The following NRXN2 variants were observed in gnomAD, a reference collection of about 807,000 sequenced individuals.
The protein encoded by NRXN2 is neurexin 2.
NRXN2 carries 29 observed loss-of-function variants against 128.8 expected under a neutral mutation model. That is an observed-to-expected ratio of 0.23 (90% CI 0.17 to 0.31). The LOEUF is 0.31. NRXN2 is among the 10% of genes least tolerant of loss of function. NRXN2 has a pLI of 1.00. For missense variants in NRXN2, 1,881 were observed against 2,452.6 expected, an observed-to-expected ratio of 0.77 and a Z score of 4.92; for synonymous variants, 1,098 against 1,075.2, an observed-to-expected ratio of 1.02 and a Z score of -0.41.
chr11:64,643,548 A>AGAGG (rs771381758), intron 17 of NRXN2: 1 of 131,172 alleles, frequency 7.6e-6, no homozygotes, highest in Non-Finnish European at 1.6e-5. Context: ...GCTGGAAGGG[A>AGAGG]GAGGGAGGGA....
rs1470125635 is a variant in NRXN2 at position 64,648,244 on chromosome 11, G to A, written c.3378C>T (p.Ser1126=). 2.5e-6 allele frequency: 4 copies of A among 1,614,222 alleles called. No individual in the cohort carries two copies. The highest frequency in any genetic ancestry group is 1.6e-4 in the Middle Eastern group (1 of 6,062). Residue 1126 remains serine, a synonymous_variant, in exon 17 of 23, where the codon TCC becomes TCT. Coordinates refer to ENST00000265459, the MANE Select transcript of NRXN2 (RefSeq NM_015080.4). The surrounding 1 kb of genome is among the most constrained non-coding windows in gnomAD (Gnocchi z 4.1). ...GATCATTGCAGACAGGGCCTCCATAGGAAGTCATGGTGCAGTCGCAGGTGA... is the reference window on the plus strand; with the variant it reads ...GATCATTGCAGACAGGGCCTCCATAAGAAGTCATGGTGCAGTCGCAGGTGA... ...DGFTCDCTMT[S]YGGPVCNDPG... is the part of the protein sequence containing the mutation.
Position 64,630,262 on chromosome 11 carries a change from C to T in NRXN2, c.3757+140G>A, listed in dbSNP as rs914889661. The T allele has an allele frequency of 2.6e-6, 2 of 781,066 alleles. No homozygotes were observed. The highest frequency in any genetic ancestry group is 3.9e-6 in the Non-Finnish European group (2 of 511,738). The allele number at this position is 781,066 out of a possible 1,614,324, so 48.4% of individuals were successfully genotyped here. ...TGCCCTAGTCCCGCCTCGCAAGCTT[C>T]GTCTCTCCAGTAGCCCCGCCCCAGA... On this transcript the variant is annotated intron_variant, in intron 19 of 22. Coordinates refer to ENST00000265459, the MANE Select transcript of NRXN2 (RefSeq NM_015080.4). The surrounding 1 kb of genome is among the most constrained non-coding windows in gnomAD (Gnocchi z 4.6).
At position 64,607,463 on chromosome 11, in the gene NRXN2, G is replaced by A. The variant is rs760914333; in HGVS notation, c.4872C>T (p.Gly1624=). Reference sequence around the variant, plus strand: ...TGGACTCCCGGATCACCTCCACTGCGCCCGGCGGGCCCCGCTCCCCAGGCC... The same window carrying A: ...TGGACTCCCGGATCACCTCCACTGCACCCGGCGGGCCCCGCTCCCCAGGCC... ...PTGPGERGPP[G]AVEVIRESSS... Residue 1624 remains glycine, a synonymous_variant, in exon 23 of 23, where the codon GGC becomes GGT. Transcript: ENST00000265459. 11 of 1,609,164 alleles carry A rather than the reference G, an allele frequency of 6.8e-6. No individual in the cohort carries two copies. The highest frequency in any genetic ancestry group is 4.0e-5 in the African/African-American group (3 of 74,834).
intron 17 of NRXN2, among the ~76,000 whole-genome samples, chr11:64,641,936 G>A (rs539833141): frequency 3.9e-4 from 60 of 152,140 alleles, no homozygotes; most frequent in African/African-American, 1.4e-3. Context: ...GGAGGTGATG[G>A]AAGGCCAGTC....
Position 64,713,498 on chromosome 11 carries a change from A to G in NRXN2, c.202T>C (p.Tyr68His), listed in dbSNP as rs764121263. ...RTNATRALLL[Y>H]LDDGGDCDFL... ...TCGCAGTCGCCGCCGTCGTCCAGGT[A>G]GAGCAGCAGCGCGCGCGTGGCGTTG... The change falls in exon 2 of 23, where the codon TAC (tyrosine) becomes CAC (histidine). Residue 68 changes from tyrosine to histidine, a missense_variant. Around this residue, in one of 7 missense-constraint regions of NRXN2, gnomAD observed 997 missense variants for 1,240.8 expected, o/e 0.80. Coordinates refer to ENST00000265459, the MANE Select transcript of NRXN2 (RefSeq NM_015080.4). 6.6e-7 allele frequency: 1 copy of G among 1,523,106 alleles called. No homozygotes were observed. The highest frequency in any genetic ancestry group is 8.7e-7 in the Non-Finnish European group (1 of 1,144,554). 94.3% of individuals were successfully genotyped at this position (1,523,106 alleles called of 1,614,324 possible). A position where few individuals can be genotyped will look rare whatever the true frequency, so the allele number is the denominator to read the frequency against.
chr11:64,648,712 C>T lies in NRXN2; in HGVS notation c.3283+22G>A, dbSNP rs1476107486. 2.5e-6 allele frequency: 4 copies of T among 1,612,582 alleles called. No homozygotes were observed. The highest frequency in any genetic ancestry group is 2.0e-4 in the Middle Eastern group (1 of 5,056). On this transcript the variant is annotated intron_variant, in intron 16 of 22. Coordinates refer to ENST00000265459, the MANE Select transcript of NRXN2 (RefSeq NM_015080.4). This position sits in a 1 kb window ranked among gnomAD's most constrained non-coding sequence, Gnocchi z 4.1. Reference sequence around the variant, plus strand: ...TCCTGTAGCCAGTAGGGCCACACCTCACTCCTCCACCCTCCACTCACCATC... The same window carrying T: ...TCCTGTAGCCAGTAGGGCCACACCTTACTCCTCCACCCTCCACTCACCATC...
At chr11:64,712,934 C>A in intron 2 of NRXN2, 36 bp downstream of exon 2, 1 of 1,488,106 alleles carries the variant, frequency 6.7e-7, no homozygotes, top group South Asian at 1.2e-5. Context: ...CTCACCCCCG[C>A]GCCCAGGCAC....
chr11:64,657,369 G>A (rs1229157180), intron 11 of NRXN2, among the ~76,000 whole-genome samples: 1 of 152,154 alleles, frequency 6.6e-6, no homozygotes. Context: ...CCTAGTAGAG[G>A]ACAACTCCAG....
At chr11:64,624,187 T>C (rs1454437129) in intron 20 of NRXN2, among the ~76,000 whole-genome samples, 1 of 152,154 alleles carries the variant, frequency 6.6e-6, no homozygotes, top group African/African-American at 2.4e-5. Flanking sequence ...AAAGATCTGG[T>C]TTAGAGTTCG....
intron 7 of NRXN2, among the ~76,000 whole-genome samples, chr11:64,669,916 G>C (rs1362324592): frequency 6.6e-6 from 1 of 152,120 alleles, no homozygotes; most frequent in East Asian, 1.9e-4. Flanking sequence ...GAACAGTCTA[G>C]AGATTGGGGC....
In NRXN2 at chr11:64,606,247, A is replaced by G. The variant is rs1031940566; in HGVS notation, c.*949T>C. The G allele has an allele frequency of 1.3e-5, 2 of 152,472 alleles. No homozygotes were observed. The highest frequency in any genetic ancestry group is 4.8e-5 in the African/African-American group (2 of 41,406). 9.4% of individuals were successfully genotyped at this position (152,472 alleles called of 1,614,324 possible). A position where few individuals can be genotyped will look rare whatever the true frequency, so the allele number is the denominator to read the frequency against. ...TTGGGGTGTTTTCCAAGACTCAGACACATTTGTTAACAAAGAGAGAAAAAA... is the reference window on the plus strand; with the variant it reads ...TTGGGGTGTTTTCCAAGACTCAGACGCATTTGTTAACAAAGAGAGAAAAAA... On this transcript the variant is annotated 3_prime_UTR_variant, in exon 23 of 23. Coordinates refer to ENST00000265459, the MANE Select transcript of NRXN2 (RefSeq NM_015080.4).
Position 64,622,388 on chromosome 11 carries a change from G to A in NRXN2, c.4173+365C>T, listed in dbSNP as rs2042488518. 6.6e-6 allele frequency among the ~76,000 whole-genome samples: 1 copy of A among 152,190 alleles called. No individual in the cohort carries two copies. Among genetic ancestry groups the A allele is most frequent in the African/African-American group, 2.4e-5 (1 of 41,438 alleles). ...CTGCCCACACAGAACGCTAGGCATG[G>A]CCTTCACTGGGGAAGCAGAAGGAGC... is the stretch of plus-strand genomic sequence containing the variant. On this transcript the variant is annotated intron_variant, in intron 21 of 22. Transcript: ENST00000265459. The surrounding 1 kb of genome is among the most constrained non-coding windows in gnomAD (Gnocchi z 4.3).
intron 3 of NRXN2, among the ~76,000 whole-genome samples, chr11:64,694,155 C>T (rs1321941085): frequency 6.6e-6 from 1 of 152,170 alleles, no homozygotes; most frequent in East Asian, 1.9e-4. Context: ...CCAGGGCTTC[C>T]TGAGATGGCC....
At chr11:64,633,758 CCCACACTGTCGTCTACAG>C (rs926055000) in intron 18 of NRXN2, among the ~76,000 whole-genome samples, 8 of 152,182 alleles carry the variant, frequency 5.3e-5, no homozygotes, top group Non-Finnish European at 1.2e-4. Context: ...TGCATCCAGT[CCCACACTGTCGTCTACAG>C]CCACACTGTC....
chr11:64,692,511 T>C (rs530915005), intron 4 of NRXN2, among the ~76,000 whole-genome samples: 2 of 152,014 alleles, frequency 1.3e-5, no homozygotes, highest in South Asian at 4.2e-4. Context: ...CAAGATACAC[T>C]ACCAGGAAAA....
chr11:64,611,910 C>T (rs1299498982), intron 22 of NRXN2, among the ~76,000 whole-genome samples: 1 of 150,736 alleles, frequency 6.6e-6, no homozygotes, highest in Admixed American at 6.6e-5. Context: ...CCCCCCCACA[C>T]TGCCATGACT....
At chr11:64,642,465 G>A in intron 17 of NRXN2, 11 of 1,515,786 alleles carry the variant, frequency 7.3e-6, no homozygotes, top group Non-Finnish European at 8.8e-6. Flanking sequence ...GCCCGCGGGG[G>A]CCCAGCTGCG....
Position 64,667,442 on chromosome 11 carries a change from G to A in NRXN2, c.1606C>T (p.Arg536Trp), listed in dbSNP as rs369788933. The A allele has an allele frequency of 4.2e-5, 67 of 1,614,016 alleles. No individual in the cohort carries two copies. Among genetic ancestry groups the A allele is most frequent in the Non-Finnish European group, 5.3e-5 (62 of 1,180,026 alleles). ...PNGLLLFSQG[R>W]RAGGGAGSHS... is the part of the protein sequence containing the mutation. The stretch of plus-strand genomic sequence containing the variant: ...CTGCCAGCTCCACCCCCAGCCCGCC[G>A]GCCCTGGCTGAAGAGCAGCAGCCCA... Residue 536 changes from arginine (R) to tryptophan (W), a missense_variant, in exon 9 of 23, where the codon CGG becomes TGG. This residue lies in a region of NRXN2 where 997 missense variants were observed against 1,240.8 expected (regional missense o/e 0.80). Transcript: ENST00000265459. This position sits in a 1 kb window ranked among gnomAD's most constrained non-coding sequence, Gnocchi z 5.6.
chr11:64,607,746 C>T lies in NRXN2; in HGVS notation c.4589G>A (p.Arg1530His), dbSNP rs868640021. 2.5e-6 allele frequency: 4 copies of T among 1,576,746 alleles called. No homozygotes were observed. Among genetic ancestry groups the T allele is most frequent in the East Asian group, 2.4e-5 (1 of 42,518 alleles). Residue 1530 changes from arginine to histidine, a missense_variant, in exon 23 of 23, where the codon CGC becomes CAC. Arg to His is a conservative substitution (Grantham distance 29, BLOSUM62 0). Around this residue, in one of 7 missense-constraint regions of NRXN2, gnomAD observed 310 missense variants for 318.2 expected, o/e 0.97. Coordinates refer to ENST00000265459, the MANE Select transcript of NRXN2 (RefSeq NM_015080.4). ...VTDRTTLLSPRKPAPRPNLRT... is the reference protein window; with the variant it reads ...VTDRTTLLSPHKPAPRPNLRT... ...GAGGTTGGGCCGGGGAGCGGGTTTG[C>T]GGGGTGACAGGAGGGTGGTGCGGTC...
Sources: gnomAD v4.1 joint callset for allele counts (sites outside exome capture counted in the v4.1 genomes callset) on GRCh38, gnomAD v4.1.1 for gene constraint, gnomAD v4.1.1 regional missense constraint, Gnocchi (gnomAD v3.1) non-coding constraint, MANE v1.5 for transcripts, NCBI Gene and HGNC (gene_info 2026-07-23, HGNC 2026-07-21) for gene names.